The following SGCZ variants were observed in gnomAD, a reference collection of about 807,000 sequenced individuals.
SGCZ encodes sarcoglycan zeta, also known as zeta-sarcoglycan.
SGCZ carries 40 observed loss-of-function variants against 41.3 expected under a neutral mutation model. The observed-to-expected ratio is 0.97, with a 90% CI of 0.75 to 1.26. The LOEUF is 1.26. Ranked by LOEUF, SGCZ falls within the 50% of genes most tolerant of loss-of-function variation. The pLI, the probability that SGCZ is intolerant of heterozygous loss-of-function variation, is 0.00. For synonymous variants in SGCZ, 206 were observed against 137.5 expected, an observed-to-expected ratio of 1.50 and a Z score of -3.49; for missense variants, 552 against 369.8, an observed-to-expected ratio of 1.49 and a Z score of -4.04.
chr8:14,304,362 G>C (rs1455858601), intron 3 of SGCZ, among the ~76,000 whole-genome samples: 1 of 152,102 alleles, frequency 6.6e-6, no homozygotes, highest in African/African-American at 2.4e-5. Flanking sequence ...GGGATGCTGA[G>C]GCAGAAGGAT....
chr8:14,768,225 G>A (rs1217532391), intron 1 of SGCZ, among the ~76,000 whole-genome samples: 5 of 152,118 alleles, frequency 3.3e-5, no homozygotes, highest in Non-Finnish European at 4.4e-5. Flanking sequence ...TTAACATATA[G>A]TCTCCTAACA....
At chr8:14,917,777 AC>A (rs1393908747) in intron 1 of SGCZ, among the ~76,000 whole-genome samples, 5 of 152,052 alleles carry the variant, frequency 3.3e-5, no homozygotes, top group Non-Finnish European at 7.4e-5. Flanking sequence ...TGGAAAAAAA[AC>A]TAAATGATTT....
rs150182795 is a variant in SGCZ, at chr8:14,743,970, C to T, written c.40-189044G>A. On this transcript the variant is annotated intron_variant, in intron 1 of 7. Transcript: ENST00000382080. ...TTTGCCTGTTGTTTCATAATCTTTTCCTCTAGCAAATATTGCCTCTTGAAT... is the reference window on the plus strand; with the variant it reads ...TTTGCCTGTTGTTTCATAATCTTTTTCTCTAGCAAATATTGCCTCTTGAAT... Among the ~76,000 whole-genome samples the T allele has an allele frequency of 1.2e-3, 183 of 152,184 alleles. 1 individual carries two copies. Among genetic ancestry groups the T allele is most frequent in the African/African-American group, 3.9e-3 (160 of 41,534 alleles).
At chr8:14,712,688 TAAAACGGTCTA>T (rs1809560599) in intron 1 of SGCZ, among the ~76,000 whole-genome samples, 1 of 152,158 alleles carries the variant, frequency 6.6e-6, no homozygotes. Flanking sequence ...TGCACGGCCA[TAAAACGGTCTA>T]ATGTAGCCTT....
chr8:14,251,042 A>C (rs1472572239), intron 3 of SGCZ, among the ~76,000 whole-genome samples: 6 of 152,190 alleles, frequency 3.9e-5, no homozygotes, highest in Non-Finnish European at 2.9e-5. Flanking sequence ...AGCCTGGCCA[A>C]CATGGCGAAA....
intron 4 of SGCZ, among the ~76,000 whole-genome samples, chr8:14,201,774 A>G (rs991560661): frequency 1.3e-5 from 2 of 152,196 alleles, no homozygotes; most frequent in South Asian, 2.1e-4. Flanking sequence ...TACACAAATT[A>G]TACCTTCACA....
At chr8:14,687,898 G>C (rs1808668024) in intron 1 of SGCZ, among the ~76,000 whole-genome samples, 1 of 152,190 alleles carries the variant, frequency 6.6e-6, no homozygotes, top group Non-Finnish European at 1.5e-5. Context: ...TAACTGGTGT[G>C]AGATGGTATC....
chr8:14,528,163 T>C (rs908515221), intron 2 of SGCZ, among the ~76,000 whole-genome samples: 5 of 151,922 alleles, frequency 3.3e-5, no homozygotes, highest in African/African-American at 1.2e-4. Context: ...AACAGAAACA[T>C]AAAAAAATAG....
chr8:14,587,890 G>T (rs1470201372), intron 1 of SGCZ, among the ~76,000 whole-genome samples: 1 of 151,976 alleles, frequency 6.6e-6, no homozygotes, highest in Non-Finnish European at 1.5e-5. Context: ...CTGAGTTTTT[G>T]GGCAAGCTTG....
rs1195564693 is a variant in SGCZ at position 14,485,539 on chromosome 8, T to C, written c.234+69193A>G. Among the ~76,000 whole-genome samples, 4 of 152,056 alleles carry C rather than the reference T, an allele frequency of 2.6e-5. No individual in the cohort carries two copies. The East Asian group carries it at 7.7e-4, about 29-fold the overall frequency. On this transcript the variant is annotated intron_variant, in intron 2 of 7. Coordinates refer to ENST00000382080, the MANE Select transcript of SGCZ (RefSeq NM_139167.4). ...GGATGAGCCACCATGCCCAGCCAAA[T>C]TTTTCATTTTTAACCACATTATTAA...
At chr8:15,139,632 G>A (rs985921425) in intron 1 of SGCZ, among the ~76,000 whole-genome samples, 3 of 152,002 alleles carry the variant, frequency 2.0e-5, no homozygotes, top group Admixed American at 1.3e-4. Flanking sequence ...GACAAAACCA[G>A]CTAAAGTCTA....
At chr8:14,854,031 A>G (rs1046336402) in intron 1 of SGCZ, among the ~76,000 whole-genome samples, 1 of 126,274 alleles carries the variant, frequency 7.9e-6, no homozygotes, top group Non-Finnish European at 1.6e-5. Flanking sequence ...TTATATATAT[A>G]TATATATATA....
intron 5 of SGCZ, among the ~76,000 whole-genome samples, chr8:14,145,577 A>G (rs539218766): frequency 6.6e-6 from 1 of 152,356 alleles, no homozygotes; most frequent in Admixed American, 6.5e-5. Flanking sequence ...ACATGACCTC[A>G]GTAAATGAAC....
chr8:14,568,800 C>A (rs1265161597), intron 1 of SGCZ, among the ~76,000 whole-genome samples: 2 of 152,146 alleles, frequency 1.3e-5, no homozygotes, highest in African/African-American at 4.8e-5. Context: ...GCCATTTACT[C>A]CATCATTACA....
At chr8:14,569,145 G>C (rs1480623946) in intron 1 of SGCZ, among the ~76,000 whole-genome samples, 1 of 151,994 alleles carries the variant, frequency 6.6e-6, no homozygotes, top group Non-Finnish European at 1.5e-5. Flanking sequence ...AAATTAGGAG[G>C]CTTCTGAATC....
intron 1 of SGCZ, among the ~76,000 whole-genome samples, chr8:15,106,842 A>G (rs1806844593): frequency 1.3e-5 from 2 of 152,204 alleles, no homozygotes; most frequent in African/African-American, 4.8e-5. Flanking sequence ...ACAACTAATC[A>G]TGACTTTGTT....
At position 14,442,243 on chromosome 8, in the gene SGCZ, G is replaced by A. The variant is rs150057166; in HGVS notation, c.234+112489C>T. On this transcript the variant is annotated intron_variant, in intron 2 of 7. Coordinates refer to ENST00000382080, the MANE Select transcript of SGCZ (RefSeq NM_139167.4). ...CTGGTGGCAGGTAATTGAATCATGA[G>A]ATCCGGTCTTGCCCGTGATATTCTC... Among the ~76,000 whole-genome samples the A allele has an allele frequency of 1.1e-3, 161 of 152,284 alleles. 1 individual carries two copies. Among genetic ancestry groups the A allele is most frequent in the Non-Finnish European group, 1.4e-3 (93 of 68,038 alleles).
In SGCZ at chr8:14,108,148, A is replaced by C. The variant is rs542104820; in HGVS notation, c.620+15T>G. The C allele has an allele frequency of 6.2e-7, 1 of 1,613,290 alleles. No individual in the cohort carries two copies. The highest frequency in any genetic ancestry group is 1.3e-5 in the African/African-American group (1 of 74,988). On this transcript the variant is annotated intron_variant, in intron 6 of 7. Transcript: ENST00000382080. ...TGATGGATTTTATGCCACAGGTATA[A>C]GAGGAAGCCCTTACCTGAGATCTTG...
intron 4 of SGCZ, among the ~76,000 whole-genome samples, chr8:14,175,051 T>C (rs1340179890): frequency 6.6e-6 from 1 of 152,172 alleles, no homozygotes; most frequent in Non-Finnish European, 1.5e-5. Context: ...AAGGATACAT[T>C]CTGGTACTGA....
Sources: allele counts gnomAD v4.1 joint callset (sites outside exome capture counted in the v4.1 genomes callset), GRCh38; gene constraint gnomAD v4.1.1; transcripts MANE v1.5; gene names NCBI Gene and HGNC (gene_info 2026-07-23, HGNC 2026-07-21).